DNAJC1: variants seen among roughly 807,000 people sequenced by gnomAD.
DNAJC1 encodes the protein DnaJ heat shock protein family (Hsp40) member C1.
Under a neutral mutation model 76.6 loss-of-function variants are expected in DNAJC1, and 58 were observed. The observed-to-expected ratio is 0.76, with a 90% CI of 0.61 to 0.94. The LOEUF (loss-of-function observed/expected upper bound fraction) is 0.94. Among genes scored for constraint, DNAJC1 ranks in the 40% least tolerant of loss-of-function variants. The pLI is 0.00. For missense variants in DNAJC1, 689 were observed against 677.3 expected, an observed-to-expected ratio of 1.02 and a Z score of -0.19; for synonymous variants, 258 against 267.9, an observed-to-expected ratio of 0.96 and a Z score of 0.36.
intron 1 of DNAJC1, among the ~76,000 whole-genome samples, chr10:21,982,550 C>G (rs966508386): frequency 6.6e-6 from 1 of 151,662 alleles, no homozygotes; most frequent in African/African-American, 2.4e-5. Context: ...CAACCAACAA[C>G]AAAAAAATCC....
At chr10:21,999,444 C>T (rs779366138) in intron 1 of DNAJC1, among the ~76,000 whole-genome samples, 14 of 135,818 alleles carry the variant, frequency 1.0e-4, no homozygotes, top group Non-Finnish European at 1.7e-4. Flanking sequence ...CCTCCATCTT[C>T]TTGACTCTTT....
chr10:21,973,393 A>G (rs1015480791), intron 1 of DNAJC1, among the ~76,000 whole-genome samples: 5 of 152,232 alleles, frequency 3.3e-5, no homozygotes, highest in Non-Finnish European at 7.3e-5. Context: ...AAGGTACATA[A>G]CCAATGATTA....
chr10:21,880,457 T>C (rs1214834651), intron 8 of DNAJC1, among the ~76,000 whole-genome samples: 2 of 152,160 alleles, frequency 1.3e-5, no homozygotes, highest in African/African-American at 2.4e-5. Context: ...ATATATGTCT[T>C]AAATAATAAA....
chr10:21,882,330 T>A lies in DNAJC1; in HGVS notation c.930A>T (p.Glu310Asp), dbSNP rs1217708332. ...TGTTTTCCAACCAATCATCCATTTGTTCCTCAATTTCTTCTATGGAAGTTC... is the reference window on the plus strand; with the variant it reads ...TGTTTTCCAACCAATCATCCATTTGATCCTCAATTTCTTCTATGGAAGTTC... ...DHGTSIEEIE[E>D]QMDDWLENRN... Residue 310 changes from glutamate (E) to aspartate (D), a missense_variant, in exon 8 of 12, where the codon GAA (glutamate) becomes GAT (aspartate). Physicochemically the swap from Glu to Asp is conservative, Grantham distance 45. Coordinates refer to ENST00000376980, the MANE Select transcript of DNAJC1 (RefSeq NM_022365.4). 1.9e-6 allele frequency: 3 copies of A among 1,606,940 alleles called. No homozygotes were observed. Among genetic ancestry groups the A allele is most frequent in the Non-Finnish European group, 2.5e-6 (3 of 1,177,972 alleles).
chr10:21,841,060 C>A (rs1338585357), intron 8 of DNAJC1, among the ~76,000 whole-genome samples: 4 of 152,146 alleles, frequency 2.6e-5, no homozygotes, highest in African/African-American at 9.7e-5. Context: ...ATGTAGAAAG[C>A]TGAAACTGGA....
chr10:21,887,591 T>C (rs576295415), intron 7 of DNAJC1, among the ~76,000 whole-genome samples: 81 of 152,086 alleles, frequency 5.3e-4, no homozygotes, highest in African/African-American at 1.7e-3. Flanking sequence ...TGCACACCTA[T>C]AACCATCTGA....
At chr10:21,839,191 C>G (rs1011581204) in intron 8 of DNAJC1, among the ~76,000 whole-genome samples, 1 of 152,082 alleles carries the variant, frequency 6.6e-6, no homozygotes, top group Non-Finnish European at 1.5e-5. Flanking sequence ...ATTAAAAGAA[C>G]TAGAAAAGCA....
Position 21,787,342 on chromosome 10 carries a change from G to C in DNAJC1, c.1098+18638C>G, listed in dbSNP as rs1834625315. Among the ~76,000 whole-genome samples, 3 of 150,806 alleles carry C rather than the reference G, an allele frequency of 2.0e-5. No individual in the cohort carries two copies. The South Asian group carries it at 6.3e-4, about 32-fold the overall frequency. On this transcript the variant is annotated intron_variant, in intron 9 of 11. Transcript: ENST00000376980. ...GATTCCGTCACAAAAAAAGAAAAAAGGAGGAGGAGGAGGAAGGAGGGGAAG... is the reference window on the plus strand; with the variant it reads ...GATTCCGTCACAAAAAAAGAAAAAACGAGGAGGAGGAGGAAGGAGGGGAAG...
intron 1 of DNAJC1, among the ~76,000 whole-genome samples, chr10:21,968,754 C>T (rs900552294): frequency 6.6e-6 from 1 of 152,114 alleles, no homozygotes; most frequent in Admixed American, 6.5e-5. Flanking sequence ...TCGTGATCTG[C>T]CCACCTAGGC....
At chr10:21,775,303 GTTT>G (rs1834439981) in intron 9 of DNAJC1, among the ~76,000 whole-genome samples, 2 of 132,870 alleles carry the variant, frequency 1.5e-5, no homozygotes, top group African/African-American at 5.5e-5. Context: ...TCATAAGACA[GTTT>G]CATAAAAACG....
rs898807046 is a variant in DNAJC1 at position 21,917,336 on chromosome 10, G to A, written c.729+1443C>T. Among the ~76,000 whole-genome samples the A allele has an allele frequency of 2.6e-5, 4 of 152,050 alleles. No individual in the cohort carries two copies. In the South Asian group the frequency reaches 8.3e-4, roughly 32 times the overall value. ...GCAAATTACCCTGCATGCTAAACAA[G>A]AAATATGTTAATTTTACCAAATAAA... On this transcript the variant is annotated intron_variant, in intron 6 of 11. Transcript: ENST00000376980.
intron 7 of DNAJC1, among the ~76,000 whole-genome samples, chr10:21,891,476 C>CAAAAAAAAAAAAAAAAAAAAGAAAAA (rs369729722): frequency 2.6e-5 from 1 of 38,860 alleles, no homozygotes; most frequent in Non-Finnish European, 5.1e-5. Context: ...ACAAAGTAGA[C>CAAAAAAAAAAAAAAAAAAAAGAAAAA]AAAAAAAAAA....
chr10:21,946,551 A>G (rs1040764596), intron 1 of DNAJC1, among the ~76,000 whole-genome samples: 2 of 152,272 alleles, frequency 1.3e-5, no homozygotes, highest in East Asian at 1.9e-4. Context: ...TGCAACACCA[A>G]TGCACTGCTG....
At chr10:21,812,897 C>CG in intron 8 of DNAJC1, among the ~76,000 whole-genome samples, 1 of 151,748 alleles carries the variant, frequency 6.6e-6, no homozygotes, top group South Asian at 2.1e-4. Flanking sequence ...TTCCCACTTC[C>CG]TAGTATTAAT....
At chr10:21,859,440 C>G (rs528516990) in intron 8 of DNAJC1, among the ~76,000 whole-genome samples, 2 of 152,096 alleles carry the variant, frequency 1.3e-5, no homozygotes, top group East Asian at 3.9e-4. Flanking sequence ...ATCTGACACT[C>G]AAAAGATGTT....
intron 7 of DNAJC1, among the ~76,000 whole-genome samples, chr10:21,903,996 T>C (rs1836702622): frequency 6.6e-6 from 1 of 152,204 alleles, no homozygotes; most frequent in Non-Finnish European, 1.5e-5. Context: ...ACATAATATG[T>C]TCAACTTTTC....
At chr10:21,787,341 A>G (rs1263938210) in intron 9 of DNAJC1, among the ~76,000 whole-genome samples, 1 of 151,604 alleles carries the variant, frequency 6.6e-6, no homozygotes, top group Non-Finnish European at 1.5e-5. Flanking sequence ...AAAAGAAAAA[A>G]GGAGGAGGAG....
chr10:21,764,971 C>T (rs1405260638), intron 10 of DNAJC1, among the ~76,000 whole-genome samples: 1 of 152,162 alleles, frequency 6.6e-6, no homozygotes, highest in African/African-American at 2.4e-5. Context: ...TCCACATTTC[C>T]TGTTTTCTTC....
chr10:21,909,310 A>G (rs1836814541), intron 6 of DNAJC1, among the ~76,000 whole-genome samples: 1 of 152,254 alleles, frequency 6.6e-6, no homozygotes, highest in African/African-American at 2.4e-5. Context: ...ACGTAATTAT[A>G]GAGCATAGGC....
Sources: gnomAD v4.1 joint callset for allele counts (sites outside exome capture counted in the v4.1 genomes callset) on GRCh38, gnomAD v4.1.1 for gene constraint, MANE v1.5 for transcripts, NCBI Gene and HGNC (gene_info 2026-07-23, HGNC 2026-07-21) for gene names.